The following CDYL variants were observed in gnomAD, a reference collection of about 807,000 sequenced individuals.
The protein encoded by CDYL is chromodomain Y-like protein.
In CDYL, 8 loss-of-function variants were observed where a neutral mutation model predicts 47.3. The observed-to-expected ratio is 0.17, with a 90% CI of 0.10 to 0.31. The LOEUF (loss-of-function observed/expected upper bound fraction) is 0.31. Among genes scored for constraint, CDYL ranks in the 10% least tolerant of loss-of-function variants. CDYL has a pLI of 1.00. For synonymous variants in CDYL, 266 were observed against 265.0 expected, an observed-to-expected ratio of 1.00 and a Z score of -0.04; for missense variants, 471 against 701.4, an observed-to-expected ratio of 0.67 and a Z score of 3.71.
chr6:4,762,782 T>C (rs1758196097), intron 3 of CDYL, among the ~76,000 whole-genome samples: 1 of 149,946 alleles, frequency 6.7e-6, no homozygotes, highest in Non-Finnish European at 1.5e-5. Flanking sequence ...AAATCAGAAA[T>C]GATAATACAA....
intron 5 of CDYL, among the ~76,000 whole-genome samples, chr6:4,951,323 G>A (rs1758696352): frequency 6.6e-6 from 1 of 152,196 alleles, no homozygotes; most frequent in African/African-American, 2.4e-5. Context: ...CCTCAGGCCA[G>A]TGTGGAGTTT....
intron 2 of CDYL, among the ~76,000 whole-genome samples, chr6:4,920,209 G>A (rs1757672238): frequency 6.6e-6 from 1 of 152,138 alleles, no homozygotes; most frequent in African/African-American, 2.4e-5. Context: ...GTATTTAGTT[G>A]GAGTCTGGGG....
At chr6:4,850,089 A>C (rs1760779381) in intron 1 of CDYL, among the ~76,000 whole-genome samples, 1 of 152,066 alleles carries the variant, frequency 6.6e-6, no homozygotes, top group Non-Finnish European at 1.5e-5. Flanking sequence ...TGTGGGTAAG[A>C]GGAATATTAT....
chr6:4,835,936 G>A (rs560295346), intron 1 of CDYL, among the ~76,000 whole-genome samples: 14 of 152,314 alleles, frequency 9.2e-5, no homozygotes, highest in East Asian at 5.8e-4. Flanking sequence ...TCAGAAAAGC[G>A]CAGTATTCGG....
At chr6:4,771,700 A>G (rs924051818), upstream of CDYL, among the ~76,000 whole-genome samples, 1 of 152,186 alleles carries the variant, frequency 6.6e-6, no homozygotes, top group Non-Finnish European at 1.5e-5. Context: ...TCTCTTGCCT[A>G]GTTGTTCTCT....
chr6:4,848,678 G>T (rs929103389), intron 1 of CDYL, among the ~76,000 whole-genome samples: 3 of 152,224 alleles, frequency 2.0e-5, no homozygotes, highest in African/African-American at 7.2e-5. Flanking sequence ...ATTTTTAGTT[G>T]TGTGGCTATT....
Position 4,724,493 on chromosome 6 carries a change from G to A in CDYL, c.103+8612G>A, listed in dbSNP as rs575923255. ...TCGCGTCCGGAATCGGTGGGTTCTT[G>A]GTCTCACTGACTTCAAATGTGATGC... On this transcript the variant is annotated intron_variant, in intron 2 of 8. Coordinates refer to the CDYL transcript ENST00000328908. 3.3e-5 allele frequency: 5 copies of A among 152,840 alleles called. No individual in the cohort carries two copies. The Middle Eastern group carries it at 0.01, about 306-fold the overall frequency. The allele number at this position is 152,840 out of a possible 1,614,324, so 9.5% of individuals were successfully genotyped here.
In CDYL at chr6:4,842,373, C is replaced by T. The variant is rs570776928; in HGVS notation, c.25-49340C>T. Reference sequence around the variant, plus strand: ...GCTGTCAGCAGAGTATTAAAGTCCCCCACTATATATTATTATTGTGTTGCT... The same window carrying T: ...GCTGTCAGCAGAGTATTAAAGTCCCTCACTATATATTATTATTGTGTTGCT... On this transcript the variant is annotated intron_variant, in intron 1 of 6. Coordinates refer to ENST00000397588, the MANE Select transcript of CDYL (RefSeq NM_004824.4). Among the ~76,000 whole-genome samples, 7 of 151,408 alleles carry T rather than the reference C, an allele frequency of 4.6e-5. 2 individuals are homozygous for T. The highest frequency in any genetic ancestry group is 1.7e-4 in the African/African-American group (7 of 41,290).
Position 4,776,738 on chromosome 6 carries a change from G to T in CDYL, c.-46G>T, listed in dbSNP as rs1398090807. 1.6e-6 allele frequency: 2 copies of T among 1,250,236 alleles called. No homozygotes were observed. Among genetic ancestry groups the T allele is most frequent in the Non-Finnish European group, 2.1e-6 (2 of 969,228 alleles). 77.4% of individuals were successfully genotyped at this position (1,250,236 alleles called of 1,614,324 possible). A position where few individuals can be genotyped will look rare whatever the true frequency, so the allele number is the denominator to read the frequency against. On this transcript the variant is annotated 5_prime_UTR_variant, in exon 1 of 7. Coordinates refer to ENST00000397588, the MANE Select transcript of CDYL (RefSeq NM_004824.4). The stretch of plus-strand genomic sequence containing the variant: ...AAAGTGTCGGCCGCCCGGCGCCGGC[G>T]CCCGCCCCGACCCTGCCCCTCCCGC...
intron 4 of CDYL, among the ~76,000 whole-genome samples, chr6:4,942,850 C>T (rs1006760612): frequency 1.3e-5 from 2 of 152,212 alleles, no homozygotes; most frequent in Non-Finnish European, 2.9e-5. Context: ...CCGTACCCTC[C>T]AGCCCTCAGT....
intron 1 of CDYL, among the ~76,000 whole-genome samples, chr6:4,830,635 G>A (rs1036559070): frequency 1.5e-4 from 22 of 150,948 alleles, no homozygotes; most frequent in African/African-American, 4.6e-4. Context: ...TAAGTTTTAG[G>A]GTACATGTGC....
At chr6:4,949,180 C>G (rs1249645181) in intron 5 of CDYL, among the ~76,000 whole-genome samples, 1 of 152,242 alleles carries the variant, frequency 6.6e-6, no homozygotes, top group African/African-American at 2.4e-5. Context: ...AGTAGACATT[C>G]ATGGAGTGCA....
intron 2 of CDYL, among the ~76,000 whole-genome samples, chr6:4,909,842 G>T (rs1278828659): frequency 6.6e-6 from 1 of 151,856 alleles, no homozygotes; most frequent in African/African-American, 2.4e-5. Flanking sequence ...CAAAGTGCTG[G>T]GATTACAGGC....
At chr6:4,881,214 C>A (rs1360817069) in intron 1 of CDYL, among the ~76,000 whole-genome samples, 1 of 151,930 alleles carries the variant, frequency 6.6e-6, no homozygotes, top group Non-Finnish European at 1.5e-5. Context: ...TTTTCTAGTT[C>A]TCTTTTTTTG....
At chr6:4,814,557 T>A (rs1477316863) in intron 1 of CDYL, among the ~76,000 whole-genome samples, 1 of 152,170 alleles carries the variant, frequency 6.6e-6, no homozygotes, top group Non-Finnish European at 1.5e-5. Flanking sequence ...AGGGTCTTGT[T>A]CTGTTGCCCA....
intron 3 of CDYL, among the ~76,000 whole-genome samples, chr6:4,765,322 C>CA (rs921005233): frequency 0.037 from 4,978 of 133,750 alleles, 274 homozygotes; most frequent in African/African-American, 0.13. Context: ...GACTTCGTCT[C>CA]AAAAAAAAAA....
chr6:4,722,844 TCCAG>T (rs1208932656), intron 2 of CDYL, among the ~76,000 whole-genome samples: 1 of 152,170 alleles, frequency 6.6e-6, no homozygotes, highest in Non-Finnish European at 1.5e-5. Flanking sequence ...GCCACCGTAC[TCCAG>T]CCTGGGTGAT....
chr6:4,714,080 A>G (rs1451306130), intron 1 of CDYL: 1 of 152,206 alleles, frequency 6.6e-6, no homozygotes, highest in Non-Finnish European at 1.5e-5. Flanking sequence ...AGCACCTTAC[A>G]GATGCGAACA....
intron 1 of CDYL, among the ~76,000 whole-genome samples, chr6:4,798,949 G>T (rs1167756848): frequency 2.0e-5 from 3 of 152,142 alleles, no homozygotes; most frequent in Non-Finnish European, 4.4e-5. Context: ...GCAGATACTT[G>T]CTTCTGCTCT....
Sources: gnomAD v4.1 joint callset for allele counts (sites outside exome capture counted in the v4.1 genomes callset) on GRCh38, gnomAD v4.1.1 for gene constraint, MANE v1.5 for transcripts, NCBI Gene and HGNC (gene_info 2026-07-23, HGNC 2026-07-21) for gene names.